The following FSTL5 variants were observed in gnomAD, a reference collection of about 807,000 sequenced individuals.
FSTL5 encodes follistatin like 5, also known as follistatin-related protein 5.
FSTL5 carries 62 observed loss-of-function variants against 89.1 expected under a neutral mutation model. That is an observed-to-expected ratio of 0.70 (90% CI 0.57 to 0.86). FSTL5 has a LOEUF of 0.86. Ranked by LOEUF, FSTL5 falls within the 40% of genes least tolerant of loss-of-function variation. The probability of loss-of-function intolerance (pLI) is 0.00; values close to 1 mark genes in which losing one functional copy is unlikely to be tolerated. For missense variants in FSTL5, 1,057 were observed against 1,001.6 expected, an observed-to-expected ratio of 1.06 and a Z score of -0.75; for synonymous variants, 383 against 346.2, an observed-to-expected ratio of 1.11 and a Z score of -1.18.
chr4:161,945,242 G>T (rs990145669), intron 3 of FSTL5, among the ~76,000 whole-genome samples: 2 of 152,056 alleles, frequency 1.3e-5, no homozygotes, highest in Non-Finnish European at 2.9e-5. Flanking sequence ...TCATTTTTTT[G>T]TGTGTGAATT....
At position 161,676,595 on chromosome 4, in the gene FSTL5, A is replaced by G. The variant is rs189645271; in HGVS notation, c.728-20101T>C. Among the ~76,000 whole-genome samples the G allele has an allele frequency of 3.7e-3, 570 of 152,166 alleles. 1 individual carries two copies. The highest frequency in any genetic ancestry group is 0.014 in the Middle Eastern group (4 of 294). Reference sequence around the variant, plus strand: ...TGCAGCAAACTACCATGACACGTGTATACCTATGTTAACAAACCTGCACGT... The same window carrying G: ...TGCAGCAAACTACCATGACACGTGTGTACCTATGTTAACAAACCTGCACGT... On this transcript the variant is annotated intron_variant, in intron 6 of 15. Transcript: ENST00000306100.
At chr4:162,072,035 C>G (rs4691811) in intron 2 of FSTL5, among the ~76,000 whole-genome samples, 51,498 of 151,584 alleles carry the variant, frequency 0.34, 9,944 homozygotes, top group Non-Finnish European at 0.44. Context: ...GTGTCATTGA[C>G]ATATAACGTC....
chr4:162,096,472 G>A (rs1444445624), intron 2 of FSTL5, among the ~76,000 whole-genome samples: 1 of 151,586 alleles, frequency 6.6e-6, no homozygotes, highest in Admixed American at 6.6e-5. Flanking sequence ...CAATCAAGAG[G>A]GCTGGCTGCT....
chr4:161,599,483 G>T (rs1734151398), intron 7 of FSTL5, among the ~76,000 whole-genome samples: 1 of 151,972 alleles, frequency 6.6e-6, no homozygotes, highest in African/African-American at 2.4e-5. Context: ...ATACAATTCT[G>T]GAAATAACAC....
Position 161,424,328 on chromosome 4 carries a change from A to T in FSTL5, c.1841+30676T>A, listed in dbSNP as rs146211316. 2.5e-3 allele frequency among the ~76,000 whole-genome samples: 374 copies of T among 151,180 alleles called. 3 individuals carry two copies. The highest frequency in any genetic ancestry group is 8.6e-3 in the African/African-American group (356 of 41,370). ...TTTTGTCTTTGCATATATATTGTTC[A>T]TTTCATTAAAATAATCATTTACTGT... On this transcript the variant is annotated intron_variant, in intron 15 of 15. Transcript: ENST00000306100.
At chr4:161,571,225 GA>G (rs542000698) in intron 8 of FSTL5, among the ~76,000 whole-genome samples, 23 of 152,266 alleles carry the variant, frequency 1.5e-4, no homozygotes, top group Admixed American at 1.5e-3. Context: ...TCTAATGGGA[GA>G]AAAGCCCCTA....
chr4:161,734,608 G>GTT (rs2126765439), intron 6 of FSTL5, among the ~76,000 whole-genome samples: 1 of 152,246 alleles, frequency 6.6e-6, no homozygotes, highest in African/African-American at 2.4e-5. Flanking sequence ...CAATGTGGTT[G>GTT]TTTTATTACC....
intron 15 of FSTL5, among the ~76,000 whole-genome samples, chr4:161,395,049 A>G (rs1729453783): frequency 6.6e-6 from 1 of 152,166 alleles, no homozygotes; most frequent in African/African-American, 2.4e-5. Flanking sequence ...TTTAAATAAC[A>G]AACAGATTCT....
Position 162,112,775 on chromosome 4 carries a change from T to TCACACACACACACACA in FSTL5, c.-16-1379_-16-1364dup, listed in dbSNP as rs71598742. 3.9e-3 allele frequency among the ~76,000 whole-genome samples: 543 copies of TCACACACACACACACA among 139,398 alleles called. 7 individuals are homozygous for TCACACACACACACACA. The highest frequency in any genetic ancestry group is 9.3e-3 in the African/African-American group (354 of 37,914). The allele number at this position is 139,398 out of a possible 152,430, so 91.5% of individuals were successfully genotyped here. On this transcript the variant is annotated intron_variant, in intron 1 of 15. Transcript: ENST00000306100. The stretch of plus-strand genomic sequence containing the variant: ...GCTTTCTCAAAGCTAACCGACACAA[T>TCACACACACACACACA]CACACACACACACACACACACACAC...
At chr4:161,718,435 A>G (rs1487071067) in intron 6 of FSTL5, among the ~76,000 whole-genome samples, 1 of 147,028 alleles carries the variant, frequency 6.8e-6, no homozygotes, top group African/African-American at 2.5e-5. Context: ...ATGATAATAC[A>G]TTTTTTTTTT....
chr4:161,978,473 TTTATTTA>T (rs1361624510), intron 3 of FSTL5, among the ~76,000 whole-genome samples: 2 of 152,036 alleles, frequency 1.3e-5, no homozygotes, highest in African/African-American at 4.8e-5. Flanking sequence ...CTCATGCTGT[TTTATTTA>T]TTATTTTACA....
chr4:161,927,885 C>T (rs923233252), intron 3 of FSTL5, among the ~76,000 whole-genome samples: 10 of 151,504 alleles, frequency 6.6e-5, no homozygotes, highest in African/African-American at 2.4e-4. Flanking sequence ...TGTTCACAGC[C>T]AAACTGAATG....
intron 3 of FSTL5, among the ~76,000 whole-genome samples, chr4:161,991,202 AC>A (rs1221248943): frequency 6.6e-6 from 1 of 152,140 alleles, no homozygotes; most frequent in Non-Finnish European, 1.5e-5. Context: ...AATTCACATA[AC>A]TCATTGGTTT....
chr4:161,545,339 A>G (rs1731966866), intron 8 of FSTL5, among the ~76,000 whole-genome samples: 1 of 152,066 alleles, frequency 6.6e-6, no homozygotes, highest in Non-Finnish European at 1.5e-5. Context: ...CCATGTATAT[A>G]CACATATGCA....
At chr4:162,149,475 A>C (rs545049971) in intron 1 of FSTL5, among the ~76,000 whole-genome samples, 1 of 140,870 alleles carries the variant, frequency 7.1e-6, no homozygotes, top group South Asian at 2.3e-4. Flanking sequence ...AGAAATGTAA[A>C]ATTTAAAAAA....
chr4:161,511,034 A>T (rs1017765205), intron 10 of FSTL5, among the ~76,000 whole-genome samples: 1 of 152,126 alleles, frequency 6.6e-6, no homozygotes, highest in Non-Finnish European at 1.5e-5. Context: ...TAAAAATATT[A>T]TATAGTGACT....
intron 6 of FSTL5, among the ~76,000 whole-genome samples, chr4:161,740,966 A>T (rs1740005371): frequency 6.6e-6 from 1 of 152,172 alleles, no homozygotes; most frequent in South Asian, 2.1e-4. Flanking sequence ...ACATGACAGC[A>T]GCAAAGCAGC....
intron 5 of FSTL5, among the ~76,000 whole-genome samples, chr4:161,763,611 G>C (rs1052587980): frequency 3.9e-5 from 6 of 152,134 alleles, no homozygotes; most frequent in Non-Finnish European, 8.8e-5. Flanking sequence ...GTGGAGACAG[G>C]CAAGAAATAG....
chr4:161,806,629 T>C (rs923139428), intron 4 of FSTL5, among the ~76,000 whole-genome samples: 3 of 152,168 alleles, frequency 2.0e-5, no homozygotes, highest in Non-Finnish European at 4.4e-5. Flanking sequence ...AGATAGTCAG[T>C]AGAAAACAAG....
Sources: allele counts gnomAD v4.1 joint callset (sites outside exome capture counted in the v4.1 genomes callset), GRCh38; gene constraint gnomAD v4.1.1; transcripts MANE v1.5; gene names NCBI Gene and HGNC (gene_info 2026-07-23, HGNC 2026-07-21).